The following CKAP4 variants were observed in gnomAD, a reference collection of about 807,000 sequenced individuals.
CKAP4 encodes the protein cytoskeleton associated protein 4, also known as cytoskeleton-associated protein 4.
CKAP4 carries 20 observed loss-of-function variants against 24.4 expected under a neutral mutation model. The ratio of observed to expected loss-of-function variants is 0.82; its 90% CI spans 0.58 to 1.19. CKAP4 has a LOEUF of 1.19. CKAP4 is among the 50% of genes most tolerant of loss of function. CKAP4 has a pLI of 0.00. For missense variants in CKAP4, 744 were observed against 765.3 expected, an observed-to-expected ratio of 0.97 and a Z score of 0.33; for synonymous variants, 378 against 351.7, an observed-to-expected ratio of 1.07 and a Z score of -0.84.
chr12:106,239,791 C>T lies in CKAP4; in HGVS notation c.1042G>A (p.Ala348Thr), dbSNP rs3088113. The T allele has an allele frequency of 0.14, 219,315 of 1,598,424 alleles. 19,661 individuals carry two copies. The highest frequency in any genetic ancestry group is 0.55 in the East Asian group (24,317 of 44,554). Reference protein sequence around the residue: ...FKEAADTERLALQALTEKLLR... With the variant: ...FKEAADTERLTLQALTEKLLR... ...AGCTTCTCCGTGAGGGCCTGCAGGG[C>T]GAGCCGCTCCGTGTCGGCCGCCTCC... The change falls in exon 2 of 2, where the codon GCC (alanine) becomes ACC (threonine). Residue 348 changes from alanine (A) to threonine (T), a missense_variant. Transcript: ENST00000378026. The surrounding 1 kb of genome is among the most constrained non-coding windows in gnomAD (Gnocchi z 4.9).
chr12:106,240,374 T>C (rs199848188), intron 1 of CKAP4, 25 bp from the exon 2 acceptor site: 417 of 1,597,470 alleles, frequency 2.6e-4, no homozygotes, highest in South Asian at 1.5e-3. Context: ...CAGACGTTAA[T>C]TGCTGAGAAG....
rs1317353079 is a variant in CKAP4, at chr12:106,238,903, G to A, written c.*121C>T. 9.8e-6 allele frequency: 10 copies of A among 1,021,682 alleles called. No homozygotes were observed. Among genetic ancestry groups the A allele is most frequent in the Middle Eastern group, 2.2e-4 (1 of 4,608 alleles). The allele number at this position is 1,021,682 out of a possible 1,614,324, so 63.3% of individuals were successfully genotyped here. A position where few individuals can be genotyped will look rare whatever the true frequency, so the allele number is the denominator to read the frequency against. On this transcript the variant is annotated 3_prime_UTR_variant, in exon 2 of 2. Coordinates refer to ENST00000378026, the MANE Select transcript of CKAP4 (RefSeq NM_006825.4). ...TACAATGCCTTGGTGTTCAGGTGGT[G>A]ACAACTGCTCTTTAAGAGGGGACAA... is the stretch of plus-strand genomic sequence containing the variant.
At chr12:106,244,465 T>A (rs549157639) in intron 1 of CKAP4, among the ~76,000 whole-genome samples, 115 of 152,294 alleles carry the variant, frequency 7.6e-4, no homozygotes, top group Middle Eastern at 3.4e-3. Context: ...TAAATTATAG[T>A]TTGATTACAC....
chr12:106,241,898 C>CAA (rs796715429), intron 1 of CKAP4, among the ~76,000 whole-genome samples: 1 of 136,622 alleles, frequency 7.3e-6, no homozygotes, highest in Admixed American at 7.3e-5. Context: ...TAACTCCAGC[C>CAA]AAAAAAAAAA....
In CKAP4 at chr12:106,239,335, C is replaced by T. The variant is rs199619601; in HGVS notation, c.1498G>A (p.Val500Met). Residue 500 changes from valine (V) to methionine (M), a missense_variant, in exon 2 of 2, where the codon GTG becomes ATG. Coordinates refer to ENST00000378026, the MANE Select transcript of CKAP4 (RefSeq NM_006825.4). This position sits in a 1 kb window ranked among gnomAD's most constrained non-coding sequence, Gnocchi z 4.9. ...KRSVGELPST[V>M]ESLQKVQEQV... ...TCCTGCACCTTCTGGAGTGATTCCA[C>T]GGTGCTGGGGAGCTCGCCCACACTC... The T allele has an allele frequency of 8.7e-6, 14 of 1,607,964 alleles. No homozygotes were observed. The African/African-American group carries it at 1.1e-4, about 12-fold the overall frequency.
chr12:106,240,411 T>A, intron 1 of CKAP4, 62 bp from the exon 2 acceptor site: 1 of 1,526,874 alleles, frequency 6.5e-7, no homozygotes, highest in Non-Finnish European at 8.8e-7. Context: ...ATGATACAAC[T>A]TTTTTTGTCT....
Position 106,247,710 on chromosome 12 carries a change from CGGG to C in CKAP4, c.139_141del (p.Pro47del). 4 of 778,618 alleles carry C rather than the reference CGGG, an allele frequency of 5.1e-6. No individual in the cohort carries two copies. The highest frequency in any genetic ancestry group is 6.0e-6 in the Non-Finnish European group (4 of 670,408). 48.2% of individuals were successfully genotyped at this position (778,618 alleles called of 1,614,324 possible). A position where few individuals can be genotyped will look rare whatever the true frequency, so the allele number is the denominator to read the frequency against. On this transcript the variant is annotated inframe_deletion, in exon 1 of 2. Transcript: ENST00000378026. This position sits in a 1 kb window ranked among gnomAD's most constrained non-coding sequence, Gnocchi z 4.5. ...TGCGGGTGCTGCTGCGGGTGCGGCG[CGGG>C]CGGCGGCGGCGGCTGCTGCGGCGCC...
In CKAP4 at chr12:106,247,744, C is replaced by T. The variant is rs2136538939; in HGVS notation, c.108G>A (p.Pro36=). The change falls in exon 1 of 2, where the codon CCG becomes CCA. Residue 36 remains proline (P), a synonymous_variant. Coordinates refer to ENST00000378026, the MANE Select transcript of CKAP4 (RefSeq NM_006825.4). This position sits in a 1 kb window ranked among gnomAD's most constrained non-coding sequence, Gnocchi z 4.5. The part of the protein sequence containing the change: ...SGGADDVAKK[P]PPAPQQPPPP... Reference sequence around the variant, plus strand: ...GCGGCGGCTGCTGCGGCGCCGGCGGCGGCTTCTTCGCCACGTCATCCGCGC... The same window carrying T: ...GCGGCGGCTGCTGCGGCGCCGGCGGTGGCTTCTTCGCCACGTCATCCGCGC... The T allele has an allele frequency of 1.9e-6, 2 of 1,048,598 alleles. No individual in the cohort carries two copies. Among genetic ancestry groups the T allele is most frequent in the Non-Finnish European group, 1.1e-6 (1 of 877,028 alleles). 65.0% of individuals were successfully genotyped at this position (1,048,598 alleles called of 1,614,324 possible). A position where few individuals can be genotyped will look rare whatever the true frequency, so the allele number is the denominator to read the frequency against.
intron 1 of CKAP4, among the ~76,000 whole-genome samples, chr12:106,244,755 G>A (rs1425426928): frequency 3.9e-5 from 6 of 152,144 alleles, no homozygotes; most frequent in African/African-American, 7.2e-5. Context: ...ACACCACTAC[G>A]CTCCAGCCTG....
chr12:106,247,444 C>T lies in CKAP4; in HGVS notation c.408G>A (p.Gln136=). Residue 136 remains glutamine (Q), a synonymous_variant, in exon 1 of 2, where the codon CAG becomes CAA. Coordinates refer to ENST00000378026, the MANE Select transcript of CKAP4 (RefSeq NM_006825.4). The surrounding 1 kb of genome is among the most constrained non-coding windows in gnomAD (Gnocchi z 4.5). ...AGAAGTCCTGGTGGCTGCGCCGGACCTGCTGGACCTCCTCCAGGACGTGGT... is the reference window on the plus strand; with the variant it reads ...AGAAGTCCTGGTGGCTGCGCCGGACTTGCTGGACCTCCTCCAGGACGTGGT... ...CVHHVLEEVQ[Q]VRRSHQDFSR... 4 of 1,544,686 alleles carry T rather than the reference C, an allele frequency of 2.6e-6. No homozygotes were observed. The highest frequency in any genetic ancestry group is 3.5e-6 in the Non-Finnish European group (4 of 1,147,068).
Position 106,247,933 on chromosome 12 carries a change from C to A in CKAP4, c.-82G>T. On this transcript the variant is annotated 5_prime_UTR_variant, in exon 1 of 2. Transcript: ENST00000378026. This position sits in a 1 kb window ranked among gnomAD's most constrained non-coding sequence, Gnocchi z 4.5. ...GGCCCGGGAAACTTGCAGGGGCTCC[C>A]CCGGGACTGGGCGAGCGGCACGCGG... is the stretch of plus-strand genomic sequence containing the variant. The A allele has an allele frequency of 1.1e-6, 1 of 878,076 alleles. No homozygotes were observed. The highest frequency in any genetic ancestry group is 5.1e-5 in the South Asian group (1 of 19,582). The allele number at this position is 878,076 out of a possible 1,614,324, so 54.4% of individuals were successfully genotyped here.
At chr12:106,240,429 C>T in intron 1 of CKAP4, 80 bp from the exon 2 acceptor site, 1 of 1,466,000 alleles carries the variant, frequency 6.8e-7, no homozygotes, top group East Asian at 2.3e-5. Flanking sequence ...TCTGCCCAGC[C>T]TCCAGGTCCT....
rs374496390 is a variant in CKAP4, at chr12:106,247,297, G to T, written c.483+72C>A. 2.3e-5 allele frequency: 32 copies of T among 1,369,476 alleles called. No homozygotes were observed. The East Asian group carries it at 3.7e-4, about 16-fold the overall frequency. The allele number at this position is 1,369,476 out of a possible 1,614,324, so 84.8% of individuals were successfully genotyped here. A position where few individuals can be genotyped will look rare whatever the true frequency, so the allele number is the denominator to read the frequency against. On this transcript the variant is annotated intron_variant, in intron 1 of 1. Transcript: ENST00000378026. The surrounding 1 kb of genome is among the most constrained non-coding windows in gnomAD (Gnocchi z 4.5). ...GGCAGCGCTAGGGGCCGGTCGGGAA[G>T]CACGAAGGAGCCCGGCCGTGGGTCC...
rs1463249781 is a variant in CKAP4, at chr12:106,239,106, G to A, written c.1727C>T (p.Ser576Leu). The A allele has an allele frequency of 6.2e-7, 1 of 1,613,964 alleles. No homozygotes were observed. The highest frequency in any genetic ancestry group is 1.1e-5 in the South Asian group (1 of 91,082). ...CAGGTCATCTAGTAAACCCTTGGCTGATTCCAGATTGTTCTCGTTGGTTTC... is the reference window on the plus strand; with the variant it reads ...CAGGTCATCTAGTAAACCCTTGGCTAATTCCAGATTGTTCTCGTTGGTTTC... Reference protein sequence around the residue: ...KIETNENNLESAKGLLDDLRN... With the variant: ...KIETNENNLELAKGLLDDLRN... The change falls in exon 2 of 2, where the codon TCA (serine) becomes TTA (leucine). Residue 576 changes from serine to leucine, a missense_variant. Coordinates refer to ENST00000378026, the MANE Select transcript of CKAP4 (RefSeq NM_006825.4). The surrounding 1 kb of genome is among the most constrained non-coding windows in gnomAD (Gnocchi z 4.9).
rs1227976799 is a variant in CKAP4 at position 106,247,954 on chromosome 12, C to A, written c.-103G>T. ...CTCCCCCGGGACTGGGCGAGCGGCA[C>A]GCGGGCGCTGCTGGCGTCGGAGCGG... On this transcript the variant is annotated 5_prime_UTR_variant, in exon 1 of 2. Transcript: ENST00000378026. The surrounding 1 kb of genome is among the most constrained non-coding windows in gnomAD (Gnocchi z 4.5). 2 of 724,352 alleles carry A rather than the reference C, an allele frequency of 2.8e-6. No homozygotes were observed. Among genetic ancestry groups the A allele is most frequent in the Non-Finnish European group, 1.7e-6 (1 of 588,474 alleles). 44.9% of individuals were successfully genotyped at this position (724,352 alleles called of 1,614,324 possible). A position where few individuals can be genotyped will look rare whatever the true frequency, so the allele number is the denominator to read the frequency against.
intron 1 of CKAP4, among the ~76,000 whole-genome samples, chr12:106,240,668 CAAAAAA>C (rs34175879): frequency 1.2e-5 from 1 of 86,462 alleles, no homozygotes; most frequent in African/African-American, 4.1e-5. Context: ...TGCTTTGTTG[CAAAAAA>C]AAAAAAAAGA....
At chr12:106,242,903 T>C (rs956820582) in intron 1 of CKAP4, among the ~76,000 whole-genome samples, 4 of 152,244 alleles carry the variant, frequency 2.6e-5, no homozygotes, top group Admixed American at 2.6e-4. Flanking sequence ...ACAGAAATTA[T>C]ATCCAACCCC....
rs150112073 is a variant in CKAP4, at chr12:106,239,792, G to A, written c.1041C>T (p.Leu347=). The A allele has an allele frequency of 4.3e-5, 69 of 1,614,074 alleles. No individual in the cohort carries two copies. The Middle Eastern group carries it at 6.6e-4, about 15-fold the overall frequency. ...GCTTCTCCGTGAGGGCCTGCAGGGC[G>A]AGCCGCTCCGTGTCGGCCGCCTCCT... The part of the protein sequence containing the change: ...AFKEAADTER[L]ALQALTEKLL... Residue 347 remains leucine, a synonymous_variant, in exon 2 of 2, where the codon CTC becomes CTT. Transcript: ENST00000378026. This position sits in a 1 kb window ranked among gnomAD's most constrained non-coding sequence, Gnocchi z 4.9.
Position 106,247,858 on chromosome 12 carries a change from CGCG to C in CKAP4, c.-10_-8del. 1.9e-6 allele frequency: 2 copies of C among 1,036,694 alleles called. No individual in the cohort carries two copies. Among genetic ancestry groups the C allele is most frequent in the East Asian group, 8.1e-5 (1 of 12,324 alleles). 64.2% of individuals were successfully genotyped at this position (1,036,694 alleles called of 1,614,324 possible). On this transcript the variant is annotated 5_prime_UTR_variant, in exon 1 of 2. Transcript: ENST00000378026. The surrounding 1 kb of genome is among the most constrained non-coding windows in gnomAD (Gnocchi z 4.5). The stretch of plus-strand genomic sequence containing the variant: ...TTTGTTTGGCCGAGGGCATGGCGGG[CGCG>C]GCGGCGGCTCGGGCCGCGGGCTGGG...
Sources: gnomAD v4.1 joint callset for allele counts (sites outside exome capture counted in the v4.1 genomes callset) on GRCh38, gnomAD v4.1.1 for gene constraint, Gnocchi (gnomAD v3.1) non-coding constraint, MANE v1.5 for transcripts, NCBI Gene and HGNC (gene_info 2026-07-23, HGNC 2026-07-21) for gene names.